Variants in WDTC1 observed in about 807,000 individuals in gnomAD.
WDTC1 encodes the protein WD and tetratricopeptide repeats 1, also known as WD and tetratricopeptide repeats protein 1.
WDTC1 carries 12 observed loss-of-function variants against 76.0 expected under a neutral mutation model. That is an observed-to-expected ratio of 0.16 (90% confidence interval 0.10 to 0.26). The LOEUF (loss-of-function observed/expected upper bound fraction) is 0.26, where lower values mean the gene tolerates loss of function less well. WDTC1 is among the 10% of genes least tolerant of loss of function. WDTC1 has a pLI of 1.00. For missense variants in WDTC1, 511 were observed against 908.8 expected (o/e 0.56, Z 5.63); for synonymous variants, 326 against 350.8 (o/e 0.93, Z 0.79).
At chr1:27,304,977 C>A in intron 14 of WDTC1, 24 bp from the exon 15 acceptor site, 1 of 1,602,946 alleles carries the variant, frequency 6.2e-7, no homozygotes, top group South Asian at 1.1e-5. Context: ...CACCTGACCT[C>A]CCTGCCCTTT....
Position 27,305,496 on chromosome 1 carries a change from G to A in WDTC1, c.1836+303G>A, listed in dbSNP as rs1251554140. 6.6e-6 allele frequency among the ~76,000 whole-genome samples: 1 copy of A among 152,162 alleles called. No homozygotes were observed. The highest frequency in any genetic ancestry group is 1.5e-5 in the Non-Finnish European group (1 of 68,040). ...GAGAGACTTCACCATCTCTGACCCA[G>A]GCTTTTAATCATCTGTACATTGGGA... On this transcript the variant is annotated intron_variant, in intron 15 of 15. Transcript: ENST00000319394. The surrounding 1 kb of genome is among the most constrained non-coding windows in gnomAD (Gnocchi z 4.6).
At chr1:27,284,216 A>G (rs1174188453) in intron 5 of WDTC1, among the ~76,000 whole-genome samples, 1 of 152,110 alleles carries the variant, frequency 6.6e-6, no homozygotes, top group African/African-American at 2.4e-5. Flanking sequence ...AAAATGTAGA[A>G]TGGGCCCCTG....
At chr1:27,245,395 C>T (rs1186331048) in intron 1 of WDTC1, among the ~76,000 whole-genome samples, 1 of 151,542 alleles carries the variant, frequency 6.6e-6, no homozygotes, top group Non-Finnish European at 1.5e-5. Context: ...ATGGATGAAT[C>T]GGATGAAGAG....
chr1:27,267,164 T>C (rs1420334436), intron 3 of WDTC1, among the ~76,000 whole-genome samples: 1 of 152,186 alleles, frequency 6.6e-6, no homozygotes, highest in Non-Finnish European at 1.5e-5. Flanking sequence ...AGTCTTGATA[T>C]TTGTTACCCT....
At chr1:27,243,583 G>GAACT (rs1222945157) in intron 1 of WDTC1, among the ~76,000 whole-genome samples, 3 of 152,112 alleles carry the variant, frequency 2.0e-5, no homozygotes, top group Non-Finnish European at 4.4e-5. Context: ...CTCTGTCTAA[G>GAACT]AACTGTGTAG....
At chr1:27,237,790 G>A (rs770875412) in intron 1 of WDTC1, among the ~76,000 whole-genome samples, 5 of 151,600 alleles carry the variant, frequency 3.3e-5, no homozygotes, top group Admixed American at 6.6e-5. Flanking sequence ...GAACCCAGGA[G>A]GTGGAGGTTG....
At chr1:27,234,520 G>T (rs572933584), upstream of WDTC1, 118 of 355,266 alleles carry the variant, frequency 3.3e-4, no homozygotes, top group African/African-American at 1.9e-3. Flanking sequence ...GGGGGTAAGT[G>T]GGGGGGCCCG....
At chr1:27,273,282 C>G (rs2012926102) in intron 3 of WDTC1, among the ~76,000 whole-genome samples, 1 of 135,910 alleles carries the variant, frequency 7.4e-6, no homozygotes, top group Non-Finnish European at 1.5e-5. Context: ...GATCTTGGCT[C>G]ACTGCAACCT....
At chr1:27,299,686 G>T (rs1232576179) in intron 12 of WDTC1, among the ~76,000 whole-genome samples, 1 of 152,128 alleles carries the variant, frequency 6.6e-6, no homozygotes, top group Non-Finnish European at 1.5e-5. Context: ...AATGCAGAGC[G>T]GTGACGTTGG....
rs777127704 is a variant in WDTC1, at chr1:27,294,071, C to T, written c.712C>T (p.Arg238Trp). The T allele has an allele frequency of 1.1e-5, 17 of 1,613,936 alleles. No individual in the cohort carries two copies. The highest frequency in any genetic ancestry group is 4.0e-5 in the African/African-American group (3 of 74,860). Reference protein sequence around the residue: ...PSAGVHTFCDRQKPLPDGAAQ... With the variant: ...PSAGVHTFCDWQKPLPDGAAQ... ...AGCGGGTGTGCACACCTTCTGTGAC[C>T]GGCAGAAACCCCTTCCGGACGGTGC... Residue 238 changes from arginine to tryptophan, a missense_variant, in exon 8 of 16, where the codon CGG (arginine) becomes TGG (tryptophan). Coordinates refer to ENST00000319394, the MANE Select transcript of WDTC1 (RefSeq NM_001276252.2).
chr1:27,240,499 C>T (rs1399128899), intron 1 of WDTC1, among the ~76,000 whole-genome samples: 1 of 152,070 alleles, frequency 6.6e-6, no homozygotes, highest in Non-Finnish European at 1.5e-5. Context: ...TTTACTAGAC[C>T]TCACTGATTG....
rs1216425255 is a variant in WDTC1 at position 27,289,949 on chromosome 1, C to T, written c.479+2088C>T. ...AGATGGCAGCAGTACAGTCCAGCTT[C>T]GGCTCGGCATCAGAGAGAGACCGTG... On this transcript the variant is annotated intron_variant, in intron 6 of 15. Coordinates refer to ENST00000319394, the MANE Select transcript of WDTC1 (RefSeq NM_001276252.2). 3.3e-5 allele frequency among the ~76,000 whole-genome samples: 5 copies of T among 150,858 alleles called. 1 individual carries two copies. The highest frequency in any genetic ancestry group is 4.9e-5 in the African/African-American group (2 of 41,010).
At chr1:27,242,208 T>G (rs1463001748) in intron 1 of WDTC1, among the ~76,000 whole-genome samples, 1 of 152,030 alleles carries the variant, frequency 6.6e-6, no homozygotes, top group Non-Finnish European at 1.5e-5. Context: ...TTCACACTTG[T>G]AACCCTAGCA....
At chr1:27,289,137 A>T (rs1220104532) in intron 6 of WDTC1, among the ~76,000 whole-genome samples, 1 of 139,674 alleles carries the variant, frequency 7.2e-6, no homozygotes, top group African/African-American at 2.7e-5. Flanking sequence ...GGGGCTCCTC[A>T]CTTCCCAGTA....
At chr1:27,242,201 A>G (rs2011649470) in intron 1 of WDTC1, among the ~76,000 whole-genome samples, 1 of 151,798 alleles carries the variant, frequency 6.6e-6, no homozygotes, top group Admixed American at 6.6e-5. Context: ...CAGATGGTTC[A>G]CACTTGTAAC....
intron 1 of WDTC1, among the ~76,000 whole-genome samples, chr1:27,248,237 C>T (rs944868171): frequency 2.6e-5 from 4 of 152,166 alleles, no homozygotes; most frequent in African/African-American, 9.7e-5. Context: ...CACTGCTTTC[C>T]ACAATGGTTG....
chr1:27,303,350 G>C lies in WDTC1; in HGVS notation c.1469-271G>C, dbSNP rs1214435573. Among the ~76,000 whole-genome samples the C allele has an allele frequency of 6.6e-6, 1 of 151,862 alleles. No individual in the cohort carries two copies. The highest frequency in any genetic ancestry group is 1.5e-5 in the Non-Finnish European group (1 of 67,952). Reference sequence around the variant, plus strand: ...TCTTACCTCCACAGAAACAGACTTTGAGTCTCTGCATCTTTGGGGCTTTCA... The same window carrying C: ...TCTTACCTCCACAGAAACAGACTTTCAGTCTCTGCATCTTTGGGGCTTTCA... On this transcript the variant is annotated intron_variant, in intron 13 of 15. Transcript: ENST00000319394. The surrounding 1 kb of genome is among the most constrained non-coding windows in gnomAD (Gnocchi z 4.8).
At chr1:27,284,131 T>C (rs2013265634) in intron 5 of WDTC1, among the ~76,000 whole-genome samples, 1 of 152,170 alleles carries the variant, frequency 6.6e-6, no homozygotes, top group African/African-American at 2.4e-5. Context: ...GACCTAGGAC[T>C]AGTGGCTGTA....
chr1:27,293,831 C>T (rs558893154), intron 7 of WDTC1, among the ~76,000 whole-genome samples, 191 bp from the exon 8 acceptor site: 2 of 152,258 alleles, frequency 1.3e-5, no homozygotes, highest in South Asian at 4.2e-4. Flanking sequence ...ATAGGACCTA[C>T]CTGGTAAAGC....
Sources: allele counts gnomAD v4.1 joint callset (sites outside exome capture counted in the v4.1 genomes callset), GRCh38; gene constraint gnomAD v4.1.1; non-coding constraint Gnocchi (gnomAD v3.1); transcripts MANE v1.5; gene names NCBI Gene and HGNC (gene_info 2026-07-23, HGNC 2026-07-21).